The following TAFA2 variants were observed in gnomAD, a reference collection of about 807,000 sequenced individuals.
The protein encoded by TAFA2 is TAFA chemokine like family member 2, also known as chemokine-like protein TAFA-2.
Under a neutral mutation model 18.8 loss-of-function variants are expected in TAFA2, and 7 were observed. The observed-to-expected ratio is 0.37, with a 90% confidence interval of 0.21 to 0.70. The LOEUF (loss-of-function observed/expected upper bound fraction) is 0.70. Ranked by LOEUF, TAFA2 falls within the 30% of genes least tolerant of loss-of-function variation. The probability of loss-of-function intolerance (pLI) is 0.53; values close to 1 mark genes in which losing one functional copy is unlikely to be tolerated. For synonymous variants in TAFA2, 60 were observed against 54.2 expected (o/e 1.11, Z -0.47); for missense variants, 122 against 158.1 (o/e 0.77, Z 1.23).
chr12:61,981,153 G>A (rs370677865), intron 1 of TAFA2, among the ~76,000 whole-genome samples: 4 of 151,874 alleles, frequency 2.6e-5, no homozygotes, highest in East Asian at 1.9e-4. Flanking sequence ...AAATAACACC[G>A]CACATCTACA....
At chr12:62,025,291 T>C (rs1006230758) in intron 1 of TAFA2, among the ~76,000 whole-genome samples, 1 of 152,054 alleles carries the variant, frequency 6.6e-6, no homozygotes, top group Non-Finnish European at 1.5e-5. Context: ...GCTGAAAAAC[T>C]AACTATTGGG....
At chr12:62,089,105 G>A (rs999090356) in intron 1 of TAFA2, among the ~76,000 whole-genome samples, 32 of 152,012 alleles carry the variant, frequency 2.1e-4, no homozygotes, top group African/African-American at 6.5e-4. Context: ...AGAACTTCAG[G>A]CCACCCTGAA....
rs553466030 is a variant in TAFA2, at chr12:62,211,161, T to C, written c.-130+47602A>G. ...CTGCCCTTTGTCGAGCACAATCTAA[T>C]AAAATAAAAATGATGATACCACCAA... On this transcript the variant is annotated intron_variant, in intron 1 of 5. Coordinates refer to the TAFA2 transcript ENST00000551619. Among the ~76,000 whole-genome samples, 34 of 152,262 alleles carry C rather than the reference T, an allele frequency of 2.2e-4. 1 individual carries two copies. The South Asian group carries it at 3.1e-3, about 14-fold the overall frequency.
Position 62,021,500 on chromosome 12 carries a change from A to G in TAFA2, c.-1-154074T>C, listed in dbSNP as rs1244766168. On this transcript the variant is annotated intron_variant, in intron 1 of 4. Coordinates refer to ENST00000416284, the MANE Select transcript of TAFA2 (RefSeq NM_178539.5). ...TTTTTTTTTTTTCTGTCTTTGTACAATATTTTATTAAAGATCTTTACAGAA... is the reference window on the plus strand; with the variant it reads ...TTTTTTTTTTTTCTGTCTTTGTACAGTATTTTATTAAAGATCTTTACAGAA... The G allele has an allele frequency of 4.5e-6, 3 of 666,730 alleles. No homozygotes were observed. In the Admixed American group the frequency reaches 6.5e-5, roughly 14 times the overall value. 41.3% of individuals were successfully genotyped at this position (666,730 alleles called of 1,614,324 possible).
At chr12:61,712,868 G>C (rs1869478904) in intron 4 of TAFA2, among the ~76,000 whole-genome samples, 1 of 151,916 alleles carries the variant, frequency 6.6e-6, no homozygotes. Flanking sequence ...TCGGCATCAA[G>C]AGCTCTGTAT....
intron 1 of TAFA2, among the ~76,000 whole-genome samples, chr12:61,992,954 T>C (rs1477896925): frequency 6.6e-6 from 1 of 152,228 alleles, no homozygotes; most frequent in African/African-American, 2.4e-5. Flanking sequence ...GCCTGCATCA[T>C]GTCAAACCTT....
At chr12:61,929,159 TAA>T (rs57143585) in intron 1 of TAFA2, among the ~76,000 whole-genome samples, 19 of 134,666 alleles carry the variant, frequency 1.4e-4, no homozygotes, top group Admixed American at 7.6e-4. Context: ...AAGTATAATT[TAA>T]AAAAAAAAAA....
chr12:61,786,325 A>G (rs1480582224), intron 2 of TAFA2, among the ~76,000 whole-genome samples: 1 of 151,594 alleles, frequency 6.6e-6, no homozygotes, highest in East Asian at 1.9e-4. Context: ...TAGAAAAAAT[A>G]AAACCATTTC....
chr12:61,812,504 G>A (rs1189702361), intron 2 of TAFA2, among the ~76,000 whole-genome samples: 1 of 151,074 alleles, frequency 6.6e-6, no homozygotes, highest in Admixed American at 6.6e-5. Flanking sequence ...AGTGACCTAG[G>A]ACAACCTAAG....
chr12:61,964,139 C>A (rs1878988999), intron 1 of TAFA2, among the ~76,000 whole-genome samples: 1 of 151,986 alleles, frequency 6.6e-6, no homozygotes, highest in Non-Finnish European at 1.5e-5. Context: ...AAAACCTAGG[C>A]AATACCATTC....
At chr12:62,021,780 C>G (rs1477677325) in intron 1 of TAFA2, 1 of 1,046,896 alleles carries the variant, frequency 9.6e-7, no homozygotes, top group Non-Finnish European at 1.5e-6. Flanking sequence ...CAACACATGG[C>G]ACATGGCAGT....
chr12:61,811,705 A>C (rs2121009790), intron 2 of TAFA2, among the ~76,000 whole-genome samples: 1 of 151,498 alleles, frequency 6.6e-6, no homozygotes, highest in East Asian at 1.9e-4. Context: ...AGAAAATTAC[A>C]ATTAATATTG....
intron 4 of TAFA2, among the ~76,000 whole-genome samples, chr12:61,748,033 C>T (rs1171865583): frequency 1.3e-5 from 2 of 151,756 alleles, no homozygotes; most frequent in Non-Finnish European, 2.9e-5. Context: ...ACATAGGAAA[C>T]AGTCAAATAC....
chr12:62,109,580 A>G (rs906389573), intron 1 of TAFA2, among the ~76,000 whole-genome samples: 4 of 152,140 alleles, frequency 2.6e-5, no homozygotes, highest in Non-Finnish European at 2.9e-5. Context: ...CTGTATGTAT[A>G]TTGTCACAAT....
intron 1 of TAFA2, among the ~76,000 whole-genome samples, chr12:62,043,477 G>T (rs147996552): frequency 4.7e-5 from 7 of 149,592 alleles, no homozygotes; most frequent in South Asian, 2.1e-4. Context: ...GTGGGGGTAG[G>T]GGGGAGGGAT....
rs1555161293 is a variant in TAFA2 at position 61,749,993 on chromosome 12, C to CCCCCCCCA, written c.384+3628_384+3629insTGGGGGGG. Among the ~76,000 whole-genome samples the CCCCCCCCA allele has an allele frequency of 4.6e-3, 690 of 148,628 alleles. 9 individuals carry two copies. Among genetic ancestry groups the CCCCCCCCA allele is most frequent in the African/African-American group, 0.016 (653 of 40,304 alleles). On this transcript the variant is annotated intron_variant, in intron 4 of 4. Coordinates refer to ENST00000416284, the MANE Select transcript of TAFA2 (RefSeq NM_178539.5). ...CACGAAGAAAGAATATCAAAACACCCCACACACACACACACACACACAGAA... is the reference window on the plus strand; with the variant it reads ...CACGAAGAAAGAATATCAAAACACCCCCCCCCCACACACACACACACACACACACAGAA...
chr12:62,010,192 A>G (rs1325448650), intron 1 of TAFA2, among the ~76,000 whole-genome samples: 1 of 94,162 alleles, frequency 1.1e-5, no homozygotes, highest in Non-Finnish European at 1.9e-5. Flanking sequence ...CCATTTCTTT[A>G]TTTGGTCTCC....
At chr12:61,877,908 T>G (rs1380763084) in intron 1 of TAFA2, among the ~76,000 whole-genome samples, 2 of 95,280 alleles carry the variant, frequency 2.1e-5, no homozygotes, top group Non-Finnish European at 4.2e-5. Context: ...GATTTTTATA[T>G]ATATATATAT....
chr12:62,196,881 T>C (rs146477913), upstream of TAFA2, among the ~76,000 whole-genome samples: 17 of 152,176 alleles, frequency 1.1e-4, no homozygotes, highest in East Asian at 2.9e-3. Flanking sequence ...AAAATAATAA[T>C]AATAAATAAA....
Sources: gnomAD v4.1 joint callset for allele counts (sites outside exome capture counted in the v4.1 genomes callset) on GRCh38, gnomAD v4.1.1 for gene constraint, MANE v1.5 for transcripts, NCBI Gene and HGNC (gene_info 2026-07-23, HGNC 2026-07-21) for gene names.